Variants in GRID2 observed in about 807,000 individuals in gnomAD.
GRID2 encodes the protein glutamate ionotropic receptor delta type subunit 2.
In GRID2, 33 loss-of-function variants were observed where a neutral mutation model predicts 114.8. That is an observed-to-expected ratio of 0.29 (90% CI 0.22 to 0.38). GRID2 has a LOEUF of 0.38. Ranked by LOEUF, GRID2 falls within the 10% of genes least tolerant of loss-of-function variation. The pLI, the probability that GRID2 is intolerant of heterozygous loss-of-function variation, is 1.00. For missense variants in GRID2, 1,184 were observed against 1,257.7 expected (o/e 0.94, Z 0.89); for synonymous variants, 505 against 449.9 (o/e 1.12, Z -1.55).
intron 13 of GRID2, among the ~76,000 whole-genome samples, chr4:93,605,165 G>T (rs1223717747): frequency 6.6e-6 from 1 of 152,022 alleles, no homozygotes; most frequent in Non-Finnish European, 1.5e-5. Flanking sequence ...CTTCAAATTT[G>T]CAATGTCCAA....
intron 2 of GRID2, among the ~76,000 whole-genome samples, chr4:92,693,754 A>G: frequency 6.6e-6 from 1 of 152,256 alleles, no homozygotes; most frequent in East Asian, 1.9e-4. Context: ...ATATTTTTCA[A>G]ATCAATTTCA....
At chr4:93,081,207 A>G (rs1301371010) in intron 2 of GRID2, among the ~76,000 whole-genome samples, 1 of 152,178 alleles carries the variant, frequency 6.6e-6, no homozygotes, top group Admixed American at 6.5e-5. Context: ...GTAAATATAA[A>G]TAAGTCAGAA....
intron 1 of GRID2, among the ~76,000 whole-genome samples, chr4:92,401,320 T>C (rs1259496138): frequency 2.0e-5 from 3 of 152,190 alleles, no homozygotes; most frequent in Non-Finnish European, 2.9e-5. Context: ...CATGTTTATA[T>C]AGTAATTTCA....
chr4:92,634,940 A>T (rs1730998457), intron 2 of GRID2, among the ~76,000 whole-genome samples: 1 of 152,062 alleles, frequency 6.6e-6, no homozygotes, highest in East Asian at 1.9e-4. Flanking sequence ...AGACAGAAGT[A>T]TTTGCAGCTG....
chr4:93,411,962 GA>G lies in GRID2; in HGVS notation c.1348-10802del, dbSNP rs895972863. ...CTATTAAAAAAAAAAAAAGAAAAAA[GA>G]AAAAAACAAACCAATCCCGAACTTC... On this transcript the variant is annotated intron_variant, in intron 9 of 15. Coordinates refer to ENST00000282020, the MANE Select transcript of GRID2 (RefSeq NM_001510.4). Among the ~76,000 whole-genome samples the G allele has an allele frequency of 8.0e-5, 12 of 149,446 alleles. 1 individual carries two copies. Among genetic ancestry groups the G allele is most frequent in the Non-Finnish European group, 1.8e-4 (12 of 67,332 alleles).
chr4:92,658,711 T>G (rs968650414), intron 2 of GRID2, among the ~76,000 whole-genome samples: 2 of 151,262 alleles, frequency 1.3e-5, no homozygotes, highest in East Asian at 1.9e-4. Flanking sequence ...AAAAGAATGC[T>G]TACTCATTTA....
intron 2 of GRID2, among the ~76,000 whole-genome samples, chr4:92,830,139 A>C (rs1742002098): frequency 6.6e-6 from 1 of 152,024 alleles, no homozygotes; most frequent in Non-Finnish European, 1.5e-5. Flanking sequence ...GAAACACCTA[A>C]AGCAATCCTG....
At chr4:92,447,011 A>G (rs566332237) in intron 1 of GRID2, among the ~76,000 whole-genome samples, 2 of 152,186 alleles carry the variant, frequency 1.3e-5, no homozygotes, top group Non-Finnish European at 2.9e-5. Context: ...AGAAACACTA[A>G]ATTAGATTAC....
At chr4:92,630,820 T>A (rs1343207354) in intron 2 of GRID2, among the ~76,000 whole-genome samples, 3 of 152,120 alleles carry the variant, frequency 2.0e-5, no homozygotes, top group Non-Finnish European at 4.4e-5. Flanking sequence ...ATACTATAAA[T>A]GCTTACTAAA....
chr4:92,508,133 C>G (rs1724066516), intron 1 of GRID2, among the ~76,000 whole-genome samples: 1 of 151,892 alleles, frequency 6.6e-6, no homozygotes, highest in African/African-American at 2.4e-5. Flanking sequence ...GTATTTATAT[C>G]TTATTCTTTT....
intron 13 of GRID2, among the ~76,000 whole-genome samples, chr4:93,569,874 G>A (rs1274872618): frequency 6.6e-6 from 1 of 151,996 alleles, no homozygotes; most frequent in African/African-American, 2.4e-5. Flanking sequence ...ATCTAACATA[G>A]AATCCCATAT....
chr4:93,646,388 C>T (rs567324983), intron 14 of GRID2, among the ~76,000 whole-genome samples: 1 of 152,136 alleles, frequency 6.6e-6, no homozygotes, highest in Non-Finnish European at 1.5e-5. Flanking sequence ...TGGGAACCAG[C>T]TGGGAGTGTT....
intron 2 of GRID2, among the ~76,000 whole-genome samples, chr4:92,714,324 C>T (rs1735423861): frequency 6.6e-6 from 1 of 152,186 alleles, no homozygotes; most frequent in South Asian, 2.1e-4. Context: ...ACCTCTGTGT[C>T]TTCACATGGT....
At chr4:93,622,864 T>C (rs906316913) in intron 13 of GRID2, among the ~76,000 whole-genome samples, 3 of 152,218 alleles carry the variant, frequency 2.0e-5, no homozygotes, top group Non-Finnish European at 4.4e-5. Flanking sequence ...TCCTTTACCT[T>C]TATGTTTTGA....
intron 2 of GRID2, among the ~76,000 whole-genome samples, chr4:93,007,506 C>A (rs138296424): frequency 1.7e-3 from 261 of 152,086 alleles, no homozygotes; most frequent in Middle Eastern, 0.014. Flanking sequence ...GCTAAGGTAC[C>A]TTTCTGGCAT....
intron 3 of GRID2, among the ~76,000 whole-genome samples, chr4:93,085,959 T>A (rs1429571091): frequency 2.0e-5 from 3 of 152,200 alleles, no homozygotes; most frequent in African/African-American, 7.2e-5. Flanking sequence ...TGGTACTTCA[T>A]TAACAACTAA....
intron 4 of GRID2, among the ~76,000 whole-genome samples, chr4:93,131,145 A>ATTTTTTTTTTTTTTTTTTTTCT (rs1734758873): frequency 1.1e-5 from 1 of 88,748 alleles, no homozygotes; most frequent in African/African-American, 5.2e-5. Flanking sequence ...AGATTAAATA[A>ATTTTTTTTTTTTTTTTTTTTCT]TTTTTTTTTT....
At chr4:92,688,800 A>G (rs1734044376) in intron 2 of GRID2, among the ~76,000 whole-genome samples, 1 of 152,138 alleles carries the variant, frequency 6.6e-6, no homozygotes, top group Non-Finnish European at 1.5e-5. Context: ...AACGTTCTTA[A>G]TGGTATCTAG....
At chr4:93,187,821 C>G (rs965823869) in intron 4 of GRID2, among the ~76,000 whole-genome samples, 1 of 152,212 alleles carries the variant, frequency 6.6e-6, no homozygotes, top group African/African-American at 2.4e-5. Flanking sequence ...AAAGTGGTAA[C>G]TTGTCCCAAG....
Sources: gnomAD v4.1 joint callset for allele counts (sites outside exome capture counted in the v4.1 genomes callset) on GRCh38, gnomAD v4.1.1 for gene constraint, MANE v1.5 for transcripts, NCBI Gene and HGNC (gene_info 2026-07-23, HGNC 2026-07-21) for gene names.